The following ACSM4 variants were observed in gnomAD, a reference collection of about 807,000 sequenced individuals.
The protein encoded by ACSM4 is acyl-coenzyme A synthetase ACSM4, mitochondrial.
In ACSM4, 66 loss-of-function variants were observed where a neutral mutation model predicts 73.0. The observed-to-expected ratio is 0.90, with a 90% CI of 0.74 to 1.11. The LOEUF (loss-of-function observed/expected upper bound fraction) is 1.11. ACSM4 is among the 50% of genes least tolerant of loss of function. The pLI, the probability that ACSM4 is intolerant of heterozygous loss-of-function variation, is 0.00. For synonymous variants in ACSM4, 222 were observed against 254.0 expected (o/e 0.87, Z 1.20); for missense variants, 645 against 714.4 (o/e 0.90, Z 1.11).
At position 7,310,580 on chromosome 12, in the gene ACSM4, G is replaced by C; in HGVS notation, c.454G>C (p.Asp152His). ...GGGAACAATCCAGCTGACAGCAAAA[G>C]ACATCCTCTACCGGCTGCGAGCATC... ...MPGTIQLTAK[D>H]ILYRLRASKA... The change falls in exon 3 of 13, where the codon GAC becomes CAC. Residue 152 changes from aspartate to histidine, a missense_variant. By Grantham distance (81) the Asp-to-His change is moderately conservative. Coordinates refer to ENST00000399422, the MANE Select transcript of ACSM4 (RefSeq NM_001080454.2). 1 of 1,611,558 alleles carries C rather than the reference G, an allele frequency of 6.2e-7. No individual in the cohort carries two copies. Among genetic ancestry groups the C allele is most frequent in the Non-Finnish European group, 8.5e-7 (1 of 1,179,220 alleles).
intron 3 of ACSM4, among the ~76,000 whole-genome samples, chr12:7,314,085 T>C (rs1035722138): frequency 6.6e-6 from 1 of 152,058 alleles, no homozygotes; most frequent in African/African-American, 2.4e-5. Flanking sequence ...CTCTGATGAA[T>C]AGGACGGAGG....
intron 1 of ACSM4, among the ~76,000 whole-genome samples, chr12:7,305,869 C>T (rs1480781053): frequency 6.6e-6 from 1 of 152,110 alleles, no homozygotes. Flanking sequence ...CCAGGTAATA[C>T]ATAAGGCAAA....
rs373478390 is a variant in ACSM4 at position 7,306,667 on chromosome 12, G to C, written c.336G>C (p.Gln112His). The change falls in exon 2 of 13, where the codon CAG becomes CAC. Residue 112 changes from glutamine to histidine, a missense_variant. Coordinates refer to ENST00000399422, the MANE Select transcript of ACSM4 (RefSeq NM_001080454.2). ...ANVLTKPCGL[Q>H]RGDRLAVILP... is the part of the protein sequence containing the mutation. ...TGCTCACCAAGCCCTGTGGCCTGCA[G>C]AGAGGAGACCGTTTGGCCGTGATTC... The C allele has an allele frequency of 3.1e-6, 5 of 1,611,162 alleles. No individual in the cohort carries two copies. The highest frequency in any genetic ancestry group is 1.3e-5 in the African/African-American group (1 of 74,884).
At chr12:7,317,954 C>A in intron 4 of ACSM4, 72 bp from the exon 5 acceptor site, 1 of 1,529,918 alleles carries the variant, frequency 6.5e-7, no homozygotes, top group South Asian at 1.2e-5. Flanking sequence ...AAAGTCACCC[C>A]TGAAAGATAC....
chr12:7,322,694 A>G (rs1180945696), intron 7 of ACSM4, among the ~76,000 whole-genome samples, 153 bp downstream of exon 7: 5 of 152,128 alleles, frequency 3.3e-5, no homozygotes, highest in Non-Finnish European at 7.4e-5. Flanking sequence ...AAACTTGCAG[A>G]TTGCTCAGTT....
rs1468324043 is a variant in ACSM4 at position 7,322,421 on chromosome 12, T to C, written c.1005T>C (p.Tyr335=). The change falls in exon 7 of 13, where the codon TAT becomes TAC. Residue 335 remains tyrosine, a synonymous_variant. Coordinates refer to ENST00000399422, the MANE Select transcript of ACSM4 (RefSeq NM_001080454.2). ...CCATGCAACTCTGTCTCTCCAGATA[T>C]AAATTCAAGAGTCTGCGGCACTGCT... ...RMLVQKDLKR[Y]KFKSLRHCLT... is the part of the protein sequence containing the mutation. 4 of 1,613,586 alleles carry C rather than the reference T, an allele frequency of 2.5e-6. No homozygotes were observed. The highest frequency in any genetic ancestry group is 3.3e-5 in the Admixed American group (2 of 59,986).
chr12:7,328,579 A>G lies in ACSM4; in HGVS notation c.*206A>G, dbSNP rs894556049. 23 of 338,596 alleles carry G rather than the reference A, an allele frequency of 6.8e-5. No individual in the cohort carries two copies. Among genetic ancestry groups the G allele is most frequent in the African/African-American group, 3.7e-4 (17 of 45,802 alleles). 21.0% of individuals were successfully genotyped at this position (338,596 alleles called of 1,614,324 possible). A position where few individuals can be genotyped will look rare whatever the true frequency, so the allele number is the denominator to read the frequency against. ...CGTATGGATGAAAATTGTTATAATG[A>G]CCAAACTGACAAAGGTAATGATGAT... On this transcript the variant is annotated 3_prime_UTR_variant, in exon 13 of 13. Transcript: ENST00000399422.
At chr12:7,311,680 TTTGTTG>T (rs1000182068) in intron 3 of ACSM4, among the ~76,000 whole-genome samples, 1 of 152,080 alleles carries the variant, frequency 6.6e-6, no homozygotes, top group African/African-American at 2.4e-5. Context: ...TGCCACCTTT[TTTGTTG>T]TTGTTGTTGT....
chr12:7,316,888 G>A (rs1946423867), intron 3 of ACSM4, among the ~76,000 whole-genome samples: 1 of 151,984 alleles, frequency 6.6e-6, no homozygotes, highest in Non-Finnish European at 1.5e-5. Flanking sequence ...AAGTTATCTT[G>A]GCTATTTCTT....
chr12:7,322,622 C>T (rs905508890), intron 7 of ACSM4, 81 bp downstream of exon 7: 1 of 1,489,866 alleles, frequency 6.7e-7, no homozygotes, highest in Non-Finnish European at 9.0e-7. Context: ...CTGAAGTGCC[C>T]CCATCCCACT....
Position 7,324,493 on chromosome 12 carries a change from C to T in ACSM4, c.1437-6C>T, listed in dbSNP as rs1390826766. On this transcript the variant is annotated splice_region_variant and splice_polypyrimidine_tract_variant and intron_variant, in intron 10 of 12. Coordinates refer to ENST00000399422, the MANE Select transcript of ACSM4 (RefSeq NM_001080454.2). ...GTGGTGGTCAAAAACTTCTTTTCCT[C>T]TTCAGGTACCGTATTGGGCCATTTG... is the stretch of plus-strand genomic sequence containing the variant. 1.2e-6 allele frequency: 2 copies of T among 1,613,840 alleles called. No homozygotes were observed. The highest frequency in any genetic ancestry group is 1.7e-6 in the Non-Finnish European group (2 of 1,179,872).
chr12:7,317,282 T>C lies in ACSM4; in HGVS notation c.764+2T>C. The stretch of plus-strand genomic sequence containing the variant: ...CATTGGGTTCACCCTCTGCGGAAGG[T>C]AGGGAAGAAAATTCAGTTTGTTTTT... On this transcript the variant is annotated splice_donor_variant, in intron 4 of 12. Coordinates refer to ENST00000399422, the MANE Select transcript of ACSM4 (RefSeq NM_001080454.2). LOFTEE classifies it high-confidence loss of function. 6.4e-7 allele frequency: 1 copy of C among 1,553,112 alleles called. No homozygotes were observed. Among genetic ancestry groups the C allele is most frequent in the South Asian group, 1.2e-5 (1 of 83,226 alleles).
At chr12:7,314,484 T>G (rs1026976752) in intron 3 of ACSM4, among the ~76,000 whole-genome samples, 1 of 152,196 alleles carries the variant, frequency 6.6e-6, no homozygotes, top group African/African-American at 2.4e-5. Context: ...CAGATTGTGA[T>G]GCTTTTTCTT....
At chr12:7,316,907 A>T (rs1946423990) in intron 3 of ACSM4, among the ~76,000 whole-genome samples, 1 of 152,160 alleles carries the variant, frequency 6.6e-6, no homozygotes, top group African/African-American at 2.4e-5. Context: ...TTTACCCTAT[A>T]GGGAGATGAA....
intron 11 of ACSM4, among the ~76,000 whole-genome samples, chr12:7,326,178 C>T (rs1348863687): frequency 1.3e-5 from 2 of 152,108 alleles, no homozygotes; most frequent in African/African-American, 2.4e-5. Flanking sequence ...TAGATCAATC[C>T]TTCCTGAGAG....
At chr12:7,325,123 T>C (rs1245118577) in intron 11 of ACSM4, among the ~76,000 whole-genome samples, 1 of 152,216 alleles carries the variant, frequency 6.6e-6, no homozygotes, top group East Asian at 1.9e-4. Context: ...CTCTAACCAA[T>C]GTGGTTCAGA....
At position 7,322,486 on chromosome 12, in the gene ACSM4, A is replaced by G. The variant is rs1423417146; in HGVS notation, c.1070A>G (p.Gln357Arg). 4.3e-6 allele frequency: 7 copies of G among 1,613,788 alleles called. No homozygotes were observed. The Admixed American group carries it at 1.2e-4, about 27-fold the overall frequency. ...CCACTCAACCCAGAAGTGCTGGAGC[A>G]GTGGAGGGTGCAAACTGGGCTGGAG... ...GEPLNPEVLE[Q>R]WRVQTGLELY... The change falls in exon 7 of 13, where the codon CAG becomes CGG. Residue 357 changes from glutamine to arginine, a missense_variant. By Grantham distance (43) the Gln-to-Arg change is conservative. Transcript: ENST00000399422.
intron 3 of ACSM4, among the ~76,000 whole-genome samples, chr12:7,314,263 G>A (rs1591843054): frequency 6.6e-6 from 1 of 152,058 alleles, no homozygotes; most frequent in Non-Finnish European, 1.5e-5. Context: ...GTTTAGAGTT[G>A]GACATACAAG....
intron 5 of ACSM4, among the ~76,000 whole-genome samples, chr12:7,320,113 A>G (rs4883253): frequency 0.2 from 30,583 of 152,138 alleles, 3,462 homozygotes; most frequent in African/African-American, 0.3. Context: ...ATTAAGGGAC[A>G]TAGTGGAACT....
Sources: gnomAD v4.1 joint callset for allele counts (sites outside exome capture counted in the v4.1 genomes callset) on GRCh38, gnomAD v4.1.1 for gene constraint, MANE v1.5 for transcripts, NCBI Gene and HGNC (gene_info 2026-07-23, HGNC 2026-07-21) for gene names.